Variants in TMEM131 observed in about 807,000 individuals in gnomAD.
TMEM131 encodes the protein transmembrane protein 131, also known as 2610524E03Rik.
A neutral mutation model predicts 211.6 loss-of-function variants in TMEM131; 66 were observed. That is an observed-to-expected ratio of 0.31 (90% confidence interval 0.26 to 0.38). The LOEUF (loss-of-function observed/expected upper bound fraction) is 0.38, where lower values mean the gene tolerates loss of function less well. Among genes scored for constraint, TMEM131 ranks in the 10% least tolerant of loss-of-function variants. The probability of loss-of-function intolerance (pLI) is 1.00; values close to 1 mark genes in which losing one functional copy is unlikely to be tolerated. For synonymous variants in TMEM131, 844 were observed against 841.3 expected (o/e 1.00, Z -0.06); for missense variants, 2,036 against 2,299.3 (o/e 0.89, Z 2.34).
chr2:97,775,605 T>C (rs925968916), intron 32 of TMEM131, among the ~76,000 whole-genome samples: 6 of 152,208 alleles, frequency 3.9e-5, no homozygotes, highest in Admixed American at 1.3e-4. Flanking sequence ...GTAACATGCT[T>C]CCAGCTGTTC....
chr2:97,894,026 T>A (rs1406447367), intron 3 of TMEM131, among the ~76,000 whole-genome samples: 1 of 152,232 alleles, frequency 6.6e-6, no homozygotes, highest in Admixed American at 6.5e-5. Flanking sequence ...ACGTTTTAAG[T>A]CTTTAATCCA....
At chr2:97,862,065 AAG>A (rs546193753) in intron 4 of TMEM131, among the ~76,000 whole-genome samples, 370 of 152,276 alleles carry the variant, frequency 2.4e-3, no homozygotes, top group Admixed American at 5.0e-3. Flanking sequence ...ACAGTAAGGA[AAG>A]AGAACAGGAA....
At chr2:97,955,152 A>T (rs553992785) in intron 1 of TMEM131, among the ~76,000 whole-genome samples, 64 of 152,294 alleles carry the variant, frequency 4.2e-4, no homozygotes, top group South Asian at 6.2e-4. Context: ...AATTTATCCG[A>T]AATATGCAAG....
In TMEM131 at chr2:97,767,175, G is replaced by A. The variant is rs143863552; in HGVS notation, c.4449-573C>T. 9.8e-3 allele frequency among the ~76,000 whole-genome samples: 1,486 copies of A among 152,106 alleles called. 22 individuals are homozygous for A. The highest frequency in any genetic ancestry group is 0.034 in the African/African-American group (1,400 of 41,452). ...TTTTCTTCCTTATTCTTGAACTCAG[G>A]GTTAATCTTAAGCAAAAAAATTAAA... is the stretch of plus-strand genomic sequence containing the variant. On this transcript the variant is annotated intron_variant, in intron 33 of 40. Coordinates refer to ENST00000186436, the MANE Select transcript of TMEM131 (RefSeq NM_015348.2).
intron 4 of TMEM131, 57 bp from the exon 5 acceptor site, chr2:97,859,484 T>C: frequency 2.1e-6 from 3 of 1,411,224 alleles, no homozygotes; most frequent in East Asian, 2.6e-5. Context: ...TGATTATTTC[T>C]AGTTGTTAAA....
At chr2:97,957,889 C>T (rs973535894) in intron 1 of TMEM131, among the ~76,000 whole-genome samples, 8 of 151,972 alleles carry the variant, frequency 5.3e-5, no homozygotes, top group East Asian at 1.9e-4. Context: ...ACAGTGCTAA[C>T]GGCTAAGGCT....
intron 4 of TMEM131, among the ~76,000 whole-genome samples, chr2:97,869,824 A>T (rs1460085134): frequency 6.6e-6 from 1 of 152,052 alleles, no homozygotes; most frequent in East Asian, 1.9e-4. Context: ...AAATTACCAC[A>T]AACTTTGAGG....
At chr2:97,826,968 G>C (rs943867848) in intron 11 of TMEM131, among the ~76,000 whole-genome samples, 2 of 148,612 alleles carry the variant, frequency 1.3e-5, no homozygotes, top group African/African-American at 2.5e-5. Flanking sequence ...ACAAAGGTCC[G>C]ACCAGACCTA....
intron 31 of TMEM131, among the ~76,000 whole-genome samples, chr2:97,788,337 G>A (rs897597734): frequency 2.6e-5 from 4 of 152,154 alleles, no homozygotes; most frequent in Admixed American, 2.0e-4. Flanking sequence ...TCTCAGCAAC[G>A]TGGAATCTGA....
At chr2:97,880,880 C>G (rs1674896925) in intron 4 of TMEM131, among the ~76,000 whole-genome samples, 1 of 152,114 alleles carries the variant, frequency 6.6e-6, no homozygotes, top group Non-Finnish European at 1.5e-5. Flanking sequence ...TAAAAATAGC[C>G]TCAGGCACAG....
At chr2:97,918,342 C>T (rs1052713899) in intron 2 of TMEM131, among the ~76,000 whole-genome samples, 1 of 152,258 alleles carries the variant, frequency 6.6e-6, no homozygotes, top group Admixed American at 6.5e-5. Context: ...AACAAAGACA[C>T]TCTTATTATT....
At chr2:97,904,466 A>T (rs544843334) in intron 3 of TMEM131, among the ~76,000 whole-genome samples, 1 of 152,310 alleles carries the variant, frequency 6.6e-6, no homozygotes, top group South Asian at 2.1e-4. Context: ...TCAAGAAGAT[A>T]TAAGAATTAT....
At chr2:97,833,466 G>C in intron 10 of TMEM131, 40 bp from the exon 11 acceptor site, 3 of 951,044 alleles carry the variant, frequency 3.2e-6, no homozygotes, top group Non-Finnish European at 4.8e-6. Flanking sequence ...TTAAAAAGGT[G>C]CTTTTTAGCC....
intron 32 of TMEM131, 84 bp from the exon 33 acceptor site, chr2:97,772,508 CA>C: frequency 6.9e-7 from 1 of 1,441,534 alleles, no homozygotes. Flanking sequence ...GACACAAAAT[CA>C]AAGATGTAAA....
intron 1 of TMEM131, among the ~76,000 whole-genome samples, chr2:97,980,438 A>G (rs954515063): frequency 2.0e-5 from 3 of 152,234 alleles, no homozygotes; most frequent in Non-Finnish European, 4.4e-5. Context: ...AGCACTGGCA[A>G]GCATATGGAG....
intron 1 of TMEM131, among the ~76,000 whole-genome samples, chr2:97,964,566 T>G (rs888941250): frequency 1.3e-5 from 2 of 152,206 alleles, no homozygotes; most frequent in African/African-American, 4.8e-5. Context: ...AAACACACAT[T>G]TGAAATATAC....
chr2:97,925,275 T>A (rs1186906874), intron 2 of TMEM131, among the ~76,000 whole-genome samples: 1 of 152,218 alleles, frequency 6.6e-6, no homozygotes, highest in Non-Finnish European at 1.5e-5. Context: ...CATTTTATAA[T>A]CTTTCAAAGG....
chr2:97,871,722 G>A (rs935623786), intron 4 of TMEM131, among the ~76,000 whole-genome samples: 14 of 152,080 alleles, frequency 9.2e-5, no homozygotes, highest in Non-Finnish European at 1.8e-4. Context: ...AACTATCCTT[G>A]TAAAACCCTA....
chr2:97,828,085 T>C (rs569708363), intron 11 of TMEM131, among the ~76,000 whole-genome samples: 16 of 152,346 alleles, frequency 1.1e-4, no homozygotes, highest in Admixed American at 9.1e-4. Context: ...TGTGAAAGAT[T>C]ACAAATTTGA....
Sources: gnomAD v4.1 joint callset for allele counts (sites outside exome capture counted in the v4.1 genomes callset) on GRCh38, gnomAD v4.1.1 for gene constraint, MANE v1.5 for transcripts, NCBI Gene and HGNC (gene_info 2026-07-23, HGNC 2026-07-21) for gene names.